The following CAMSAP2 variants were observed in gnomAD, a reference collection of about 807,000 sequenced individuals.
CAMSAP2 encodes the protein calmodulin-regulated spectrin-associated protein 2.
Under a neutral mutation model 146.1 loss-of-function variants are expected in CAMSAP2, and 26 were observed. The observed-to-expected ratio is 0.18, with a 90% CI of 0.13 to 0.25. The LOEUF (loss-of-function observed/expected upper bound fraction) is 0.25, where lower values mean the gene tolerates loss of function less well. CAMSAP2 is among the 10% of genes least tolerant of loss of function. The probability of loss-of-function intolerance (pLI) is 1.00; values close to 1 mark genes in which losing one functional copy is unlikely to be tolerated. For missense variants in CAMSAP2, 1,381 were observed against 1,759.3 expected, an observed-to-expected ratio of 0.78 and a Z score of 3.85; for synonymous variants, 499 against 596.6, an observed-to-expected ratio of 0.84 and a Z score of 2.38.
At chr1:200,784,097 C>A (rs149357253) in intron 2 of CAMSAP2, among the ~76,000 whole-genome samples, 255 of 151,806 alleles carry the variant, frequency 1.7e-3, no homozygotes, top group African/African-American at 6.1e-3. Context: ...CTGTTGTCTC[C>A]TCATTGACTG....
At chr1:200,811,768 T>G (rs1666338272) in intron 3 of CAMSAP2, among the ~76,000 whole-genome samples, 1 of 152,174 alleles carries the variant, frequency 6.6e-6, no homozygotes, top group South Asian at 2.1e-4. Context: ...TGACTTCACT[T>G]TACCCTTAAA....
intron 1 of CAMSAP2, among the ~76,000 whole-genome samples, chr1:200,753,743 C>T (rs1340579384): frequency 6.6e-6 from 1 of 152,204 alleles, no homozygotes; most frequent in African/African-American, 2.4e-5. Context: ...CTTCTTCCCT[C>T]TCTTCCATTC....
At chr1:200,768,292 T>A (rs2103009898) in intron 2 of CAMSAP2, among the ~76,000 whole-genome samples, 1 of 152,266 alleles carries the variant, frequency 6.6e-6, no homozygotes, top group African/African-American at 2.4e-5. Flanking sequence ...GGGAGTATAA[T>A]GGGATGTTAA....
intron 2 of CAMSAP2, among the ~76,000 whole-genome samples, chr1:200,797,398 G>C (rs975582055): frequency 1.2e-3 from 177 of 151,484 alleles, no homozygotes; most frequent in African/African-American, 4.0e-3. Context: ...TTGTGGTTTT[G>C]ATTTGCATTT....
At chr1:200,854,985 T>C (rs1667712355) in intron 14 of CAMSAP2, 96 bp downstream of exon 14, 1 of 842,136 alleles carries the variant, frequency 1.2e-6, no homozygotes, top group Non-Finnish European at 1.8e-6. Flanking sequence ...TTTTACATTT[T>C]ATAATGACCA....
intron 1 of CAMSAP2, among the ~76,000 whole-genome samples, chr1:200,749,944 A>G (rs1397122476): frequency 6.6e-6 from 1 of 152,154 alleles, no homozygotes; most frequent in East Asian, 1.9e-4. Context: ...CAGGAACTGA[A>G]TGTGACTGGC....
chr1:200,771,065 CAG>C (rs768713916), intron 2 of CAMSAP2, among the ~76,000 whole-genome samples: 18 of 151,910 alleles, frequency 1.2e-4, no homozygotes, highest in Non-Finnish European at 2.6e-4. Flanking sequence ...GAAAGACTAA[CAG>C]AGAATATGAG....
chr1:200,767,679 C>G (rs1222120031), intron 2 of CAMSAP2, among the ~76,000 whole-genome samples: 1 of 151,816 alleles, frequency 6.6e-6, no homozygotes, highest in Non-Finnish European at 1.5e-5. Context: ...TTCTGGTCAC[C>G]CTTGTATATG....
intron 2 of CAMSAP2, among the ~76,000 whole-genome samples, chr1:200,800,422 CCTT>C (rs1444930399): frequency 1.3e-5 from 2 of 151,912 alleles, no homozygotes; most frequent in African/African-American, 4.8e-5. Flanking sequence ...TATGGAATGC[CCTT>C]CTTTGTCTTT....
At chr1:200,834,614 T>G (rs780369881) in intron 6 of CAMSAP2, among the ~76,000 whole-genome samples, 2 of 152,108 alleles carry the variant, frequency 1.3e-5, no homozygotes, top group Non-Finnish European at 2.9e-5. Flanking sequence ...AATACTGAAC[T>G]ACAATATAAA....
chr1:200,858,127 A>G lies in CAMSAP2; in HGVS notation c.*68A>G. The G allele has an allele frequency of 1.5e-6, 2 of 1,331,766 alleles. No homozygotes were observed. Among genetic ancestry groups the G allele is most frequent in the Non-Finnish European group, 2.0e-6 (2 of 976,344 alleles). 82.5% of individuals were successfully genotyped at this position (1,331,766 alleles called of 1,614,324 possible). A position where few individuals can be genotyped will look rare whatever the true frequency, so the allele number is the denominator to read the frequency against. ...CACTTCATCTTTCCTGCCTATAGAAAATCTTTCTAATTGCCAACAAGACTT... is the reference window on the plus strand; with the variant it reads ...CACTTCATCTTTCCTGCCTATAGAAGATCTTTCTAATTGCCAACAAGACTT... On this transcript the variant is annotated 3_prime_UTR_variant, in exon 17 of 17. Coordinates refer to ENST00000358823, the MANE Select transcript of CAMSAP2 (RefSeq NM_203459.4).
chr1:200,835,389 G>C (rs1667159749), intron 6 of CAMSAP2, among the ~76,000 whole-genome samples: 1 of 152,172 alleles, frequency 6.6e-6, no homozygotes, highest in African/African-American at 2.4e-5. Context: ...TTTAGCGAGA[G>C]ACTATTATAT....
intron 2 of CAMSAP2, among the ~76,000 whole-genome samples, chr1:200,801,014 G>A (rs1037286598): frequency 6.6e-6 from 1 of 152,104 alleles, no homozygotes; most frequent in African/African-American, 2.4e-5. Context: ...ACCTGTAATT[G>A]CAGCACTTTG....
At chr1:200,802,338 C>T (rs752717242) in intron 2 of CAMSAP2, among the ~76,000 whole-genome samples, 9 of 152,180 alleles carry the variant, frequency 5.9e-5, no homozygotes, top group Non-Finnish European at 1.3e-4. Context: ...TGTAGATACT[C>T]ATCCTGAGAT....
At chr1:200,807,334 A>G in intron 2 of CAMSAP2, 42 bp from the exon 3 acceptor site, 1 of 1,388,540 alleles carries the variant, frequency 7.2e-7, no homozygotes, top group Non-Finnish European at 9.5e-7. Context: ...GCAATTTCTA[A>G]ATATAATTTT....
At chr1:200,825,388 C>T (rs1666878479) in intron 4 of CAMSAP2, among the ~76,000 whole-genome samples, 1 of 152,176 alleles carries the variant, frequency 6.6e-6, no homozygotes, top group Non-Finnish European at 1.5e-5. Context: ...TGTTTCTCCT[C>T]CTTTCTAGCA....
chr1:200,807,588 A>G, intron 3 of CAMSAP2, 51 bp downstream of exon 3: 1 of 1,334,360 alleles, frequency 7.5e-7, no homozygotes, highest in Non-Finnish European at 9.9e-7. Flanking sequence ...AGAAAACGTG[A>G]AATTCTAAAT....
intron 3 of CAMSAP2, among the ~76,000 whole-genome samples, chr1:200,810,726 T>C (rs1666307578): frequency 6.6e-6 from 1 of 151,268 alleles, no homozygotes. Flanking sequence ...CTGTCTCTAC[T>C]AAAAATACAG....
chr1:200,817,602 A>G (rs1666639493), intron 4 of CAMSAP2, among the ~76,000 whole-genome samples: 1 of 152,190 alleles, frequency 6.6e-6, no homozygotes, highest in African/African-American at 2.4e-5. Flanking sequence ...CAGTACTTCT[A>G]TTATTTTGAG....
Sources: allele counts gnomAD v4.1 joint callset (sites outside exome capture counted in the v4.1 genomes callset), GRCh38; gene constraint gnomAD v4.1.1; transcripts MANE v1.5; gene names NCBI Gene and HGNC (gene_info 2026-07-23, HGNC 2026-07-21).